Variants in IL1RAPL1 observed in about 807,000 individuals in gnomAD.
IL1RAPL1 encodes the protein interleukin 1 receptor accessory protein like 1, also known as interleukin-1 receptor accessory protein-like 1.
Under a neutral mutation model 48.4 loss-of-function variants are expected in IL1RAPL1, and 3 were observed. That is an observed-to-expected ratio of 0.06 (90% CI 0.03 to 0.16). IL1RAPL1 has a LOEUF of 0.16. Among genes scored for constraint, IL1RAPL1 ranks in the 10% least tolerant of loss-of-function variants. The pLI, the probability that IL1RAPL1 is intolerant of heterozygous loss-of-function variation, is 1.00. For missense variants in IL1RAPL1, 349 were observed against 530.6 expected, an observed-to-expected ratio of 0.66 and a Z score of 3.36; for synonymous variants, 185 against 187.7, an observed-to-expected ratio of 0.99 and a Z score of 0.12.
chrX:29,628,299 T>G lies in IL1RAPL1; in HGVS notation c.704-40131T>G, dbSNP rs765558166. Among the ~76,000 whole-genome samples, 4 of 112,113 alleles carry G rather than the reference T, an allele frequency of 3.6e-5. No homozygotes were observed. The South Asian group carries it at 1.5e-3, about 42-fold the overall frequency. On this transcript the variant is annotated intron_variant, in intron 5 of 10. Coordinates refer to ENST00000378993, the MANE Select transcript of IL1RAPL1 (RefSeq NM_014271.4). ...ACACTTAGTAACTGGACAGGAGATA[T>G]TAATAGGATGGCCATCAGAGAAATT... is the stretch of plus-strand genomic sequence containing the variant.
chrX:29,356,881 A>G (rs1933312122), intron 3 of IL1RAPL1, among the ~76,000 whole-genome samples: 1 of 111,385 alleles, frequency 9.0e-6, no homozygotes, highest in Non-Finnish European at 1.9e-5. Flanking sequence ...GAAGATTCCC[A>G]CGATTGCTCA....
chrX:29,420,522 A>G lies in IL1RAPL1; in HGVS notation c.703+21214A>G, dbSNP rs992463509. ...CTCTCTCCTAGATCTGGACAGTCCCATTTTCCTTAGTGGTCAGTTTGCTTT... is the reference window on the plus strand; with the variant it reads ...CTCTCTCCTAGATCTGGACAGTCCCGTTTTCCTTAGTGGTCAGTTTGCTTT... On this transcript the variant is annotated intron_variant, in intron 5 of 10. Transcript: ENST00000378993. Among the ~76,000 whole-genome samples the G allele has an allele frequency of 4.5e-5, 5 of 111,526 alleles. No homozygotes were observed. In the East Asian group the frequency reaches 1.4e-3, roughly 31 times the overall value.
intron 2 of IL1RAPL1, among the ~76,000 whole-genome samples, chrX:29,083,637 G>A (rs1248281693): frequency 1.8e-5 from 2 of 111,325 alleles, no homozygotes; most frequent in African/African-American, 6.5e-5. Flanking sequence ...AAGACCCCTT[G>A]AACTGTTCTG....
At chrX:29,180,083 A>ATC (rs772715302) in intron 2 of IL1RAPL1, among the ~76,000 whole-genome samples, 24 of 108,504 alleles carry the variant, frequency 2.2e-4, no homozygotes, top group African/African-American at 4.0e-4. Context: ...CAACAAATCA[A>ATC]TCTCTCTCTC....
intron 2 of IL1RAPL1, among the ~76,000 whole-genome samples, chrX:29,176,085 CT>C (rs752040172): frequency 2.4e-3 from 183 of 75,727 alleles, no homozygotes; most frequent in East Asian, 4.5e-3. Context: ...TGGTAATTTG[CT>C]TTTTTTTTTT....
At chrX:29,799,940 G>A (rs1051256939) in intron 6 of IL1RAPL1, among the ~76,000 whole-genome samples, 3 of 111,661 alleles carry the variant, frequency 2.7e-5, no homozygotes, top group Non-Finnish European at 5.6e-5. Flanking sequence ...ATTTCCTATC[G>A]GAGTTGGTTG....
At chrX:29,335,028 C>T (rs1347701177) in intron 3 of IL1RAPL1, among the ~76,000 whole-genome samples, 13 of 112,372 alleles carry the variant, frequency 1.2e-4, no homozygotes, top group South Asian at 3.8e-4. Context: ...AATCCCGGCA[C>T]CTCGGGAGGC....
chrX:29,221,123 C>A (rs187804643), intron 2 of IL1RAPL1, among the ~76,000 whole-genome samples: 58 of 111,112 alleles, frequency 5.2e-4, no homozygotes, highest in Non-Finnish European at 9.6e-4. Context: ...CCACCACACC[C>A]GGCCTTAGTG....
chrX:28,690,488 T>C (rs971201413), intron 1 of IL1RAPL1, among the ~76,000 whole-genome samples: 2 of 111,849 alleles, frequency 1.8e-5, no homozygotes, highest in Non-Finnish European at 3.8e-5. Flanking sequence ...GACACAGAAC[T>C]GGAAATATTT....
At chrX:29,385,479 C>A (rs1344973756) in intron 3 of IL1RAPL1, among the ~76,000 whole-genome samples, 1 of 112,152 alleles carries the variant, frequency 8.9e-6, no homozygotes, top group Non-Finnish European at 1.9e-5. Context: ...AAAAGAAATT[C>A]TTTACCCATG....
chrX:29,750,305 C>T (rs1267998138), intron 6 of IL1RAPL1, among the ~76,000 whole-genome samples: 1 of 111,685 alleles, frequency 9.0e-6, no homozygotes, highest in Non-Finnish European at 1.9e-5. Flanking sequence ...GAAAGTAGTC[C>T]GTGACTTTGT....
At chrX:29,894,974 C>T (rs1047592099) in intron 6 of IL1RAPL1, among the ~76,000 whole-genome samples, 6 of 109,227 alleles carry the variant, frequency 5.5e-5, no homozygotes, top group South Asian at 4.1e-4. Flanking sequence ...CTACAGGCAC[C>T]CACAATGCCC....
intron 5 of IL1RAPL1, among the ~76,000 whole-genome samples, chrX:29,468,533 A>G (rs982957406): frequency 3.1e-5 from 3 of 97,542 alleles, no homozygotes; most frequent in Admixed American, 2.2e-4. Context: ...CCTCCTAGGC[A>G]TAGTGGCGAT....
intron 2 of IL1RAPL1, among the ~76,000 whole-genome samples, chrX:29,013,949 C>T (rs1926184130): frequency 9.0e-6 from 1 of 111,646 alleles, no homozygotes; most frequent in Admixed American, 9.5e-5. Context: ...ATGCTCAAGG[C>T]ATTTTGCTTG....
chrX:28,669,487 C>T (rs934168180), intron 1 of IL1RAPL1, among the ~76,000 whole-genome samples: 48 of 108,258 alleles, frequency 4.4e-4, no homozygotes, highest in African/African-American at 1.4e-3. Flanking sequence ...CTTGTGGTGG[C>T]GCATGCCTGT....
intron 5 of IL1RAPL1, among the ~76,000 whole-genome samples, chrX:29,544,749 G>A (rs202097800): frequency 9.9e-6 from 1 of 100,799 alleles, no homozygotes; most frequent in Non-Finnish European, 2.0e-5. Flanking sequence ...GTGTGTGTGT[G>A]TATGTGTGTG....
At chrX:28,928,717 A>G (rs1181258210) in intron 2 of IL1RAPL1, among the ~76,000 whole-genome samples, 1 of 112,279 alleles carries the variant, frequency 8.9e-6, no homozygotes, top group East Asian at 2.8e-4. Flanking sequence ...GAAAGTAGGA[A>G]CAGTCACTCT....
At chrX:29,232,264 G>A (rs760662570) in intron 2 of IL1RAPL1, among the ~76,000 whole-genome samples, 1 of 111,583 alleles carries the variant, frequency 9.0e-6, no homozygotes, top group African/African-American at 3.2e-5. Flanking sequence ...CATGGATACA[G>A]AGATGATAAG....
intron 5 of IL1RAPL1, among the ~76,000 whole-genome samples, chrX:29,509,859 T>C (rs189007512): frequency 4.3e-4 from 49 of 112,645 alleles, no homozygotes; most frequent in Admixed American, 8.4e-4. Context: ...ATCTGTTCGT[T>C]ATAAATTAGA....
Sources: gnomAD v4.1 joint callset for allele counts (sites outside exome capture counted in the v4.1 genomes callset) on GRCh38, gnomAD v4.1.1 for gene constraint, MANE v1.5 for transcripts, NCBI Gene and HGNC (gene_info 2026-07-23, HGNC 2026-07-21) for gene names.